TRAPPC9: variants seen among roughly 807,000 people sequenced by gnomAD.
The protein encoded by TRAPPC9 is trafficking protein particle complex subunit 9, also known as IKK2 binding protein.
A neutral mutation model predicts 124.0 loss-of-function variants in TRAPPC9; 83 were observed. That is an observed-to-expected ratio of 0.67 (90% CI 0.56 to 0.80). The LOEUF (loss-of-function observed/expected upper bound fraction) is 0.80, where lower values mean the gene tolerates loss of function less well. Among genes scored for constraint, TRAPPC9 ranks in the 30% least tolerant of loss-of-function variants. TRAPPC9 has a pLI of 0.00. For synonymous variants in TRAPPC9, 638 were observed against 617.5 expected (o/e 1.03, Z -0.49); for missense variants, 1,302 against 1,508.3 (o/e 0.86, Z 2.27).
intron 17 of TRAPPC9, among the ~76,000 whole-genome samples, chr8:140,204,401 C>A (rs903009921): frequency 6.9e-6 from 1 of 144,700 alleles, no homozygotes; most frequent in Non-Finnish European, 1.5e-5. Context: ...CATGTTCTCA[C>A]TCATAGGTGG....
chr8:140,166,704 A>G (rs1048620177), intron 17 of TRAPPC9, among the ~76,000 whole-genome samples: 13 of 152,238 alleles, frequency 8.5e-5, no homozygotes, highest in Admixed American at 2.0e-4. Flanking sequence ...GAAAGCAAGC[A>G]GGCAGCTCTG....
chr8:139,853,227 A>G (rs1270039727), intron 21 of TRAPPC9, among the ~76,000 whole-genome samples: 3 of 152,186 alleles, frequency 2.0e-5, no homozygotes, highest in Non-Finnish European at 4.4e-5. Context: ...CGGTGGCAGG[A>G]GCAATGTGCA....
intron 17 of TRAPPC9, among the ~76,000 whole-genome samples, chr8:140,047,865 G>A (rs1841716804): frequency 6.6e-6 from 1 of 152,222 alleles, no homozygotes; most frequent in Non-Finnish European, 1.5e-5. Flanking sequence ...TGACCCAGCA[G>A]AGGTCGGGGC....
At chr8:140,346,329 T>C (rs1258449505) in intron 9 of TRAPPC9, among the ~76,000 whole-genome samples, 1 of 152,132 alleles carries the variant, frequency 6.6e-6, no homozygotes, top group Non-Finnish European at 1.5e-5. Context: ...TTACGCACAG[T>C]ACCCAACTTA....
At chr8:140,058,075 A>G (rs768716578) in intron 17 of TRAPPC9, among the ~76,000 whole-genome samples, 2 of 152,236 alleles carry the variant, frequency 1.3e-5, no homozygotes, top group African/African-American at 2.4e-5. Context: ...CTCATGGGGC[A>G]CGTCTACTCT....
In TRAPPC9 at chr8:140,089,972, C is replaced by T. The variant is rs374887229; in HGVS notation, c.2557-65893G>A. Reference sequence around the variant, plus strand: ...GTGCACGCCTGTAGTCCCAGCTGCTCGGGAGGCTGAGGCAGGAAAATCACT... The same window carrying T: ...GTGCACGCCTGTAGTCCCAGCTGCTTGGGAGGCTGAGGCAGGAAAATCACT... On this transcript the variant is annotated intron_variant, in intron 17 of 22. Transcript: ENST00000438773. Among the ~76,000 whole-genome samples the T allele has an allele frequency of 3.1e-3, 465 of 152,148 alleles. 1 individual carries two copies. The highest frequency in any genetic ancestry group is 3.4e-3 in the Non-Finnish European group (232 of 68,004).
rs557565284 is a variant in TRAPPC9, at chr8:139,754,747, C to G, written c.3056-22545G>C. Among the ~76,000 whole-genome samples, 3 of 152,350 alleles carry G rather than the reference C, an allele frequency of 2.0e-5. No homozygotes were observed. The East Asian group carries it at 5.8e-4, about 29-fold the overall frequency. ...AGCCTCTGTTTTCCAGAGACGCCCC[C>G]ACCCCGTGTCACAAGCTGAACAGCA... On this transcript the variant is annotated intron_variant, in intron 21 of 22. Transcript: ENST00000438773.
intron 17 of TRAPPC9, among the ~76,000 whole-genome samples, chr8:140,102,634 A>C (rs1372242660): frequency 6.6e-6 from 1 of 152,184 alleles, no homozygotes; most frequent in Non-Finnish European, 1.5e-5. Flanking sequence ...TTCACTGCTT[A>C]CTTCTGTCTC....
intron 17 of TRAPPC9, among the ~76,000 whole-genome samples, chr8:140,120,980 G>A (rs554512460): frequency 2.0e-5 from 3 of 152,240 alleles, no homozygotes; most frequent in Non-Finnish European, 4.4e-5. Flanking sequence ...CAATCAAGAT[G>A]TGAGGGGCAT....
intron 17 of TRAPPC9, among the ~76,000 whole-genome samples, chr8:140,184,136 G>C (rs1023851780): frequency 9.9e-5 from 15 of 152,100 alleles, no homozygotes; most frequent in Admixed American, 4.6e-4. Context: ...AAGCAGGACA[G>C]CAGTGAACCT....
At chr8:139,929,846 T>C (rs1006050783) in intron 19 of TRAPPC9, among the ~76,000 whole-genome samples, 15 of 152,188 alleles carry the variant, frequency 9.9e-5, no homozygotes, top group Non-Finnish European at 1.5e-4. Flanking sequence ...GATGGGCCTC[T>C]GGGGTCTGCC....
intron 17 of TRAPPC9, among the ~76,000 whole-genome samples, chr8:140,045,266 G>A (rs1841512577): frequency 6.6e-6 from 1 of 152,194 alleles, no homozygotes; most frequent in South Asian, 2.1e-4. Context: ...ACGAAGCGAG[G>A]ATGGTGGCAC....
intron 17 of TRAPPC9, among the ~76,000 whole-genome samples, chr8:140,162,853 ATG>A (rs2061774417): frequency 1.3e-5 from 2 of 152,126 alleles, no homozygotes; most frequent in Admixed American, 6.5e-5. Flanking sequence ...TTAGCCAGGC[ATG>A]GTGGCACACA....
chr8:140,020,076 T>C lies in TRAPPC9; in HGVS notation c.2699+3861A>G, dbSNP rs183937650. ...ATCCTTTTAATGTCTGTGGAATTAGTAGTAATGCCACCTCTTTCATTCTCA... is the reference window on the plus strand; with the variant it reads ...ATCCTTTTAATGTCTGTGGAATTAGCAGTAATGCCACCTCTTTCATTCTCA... On this transcript the variant is annotated intron_variant, in intron 18 of 22. Transcript: ENST00000438773. Among the ~76,000 whole-genome samples, 123 of 152,294 alleles carry C rather than the reference T, an allele frequency of 8.1e-4. 1 individual carries two copies. The highest frequency in any genetic ancestry group is 2.8e-3 in the African/African-American group (115 of 41,542).
chr8:140,114,682 C>T (rs1021168473), intron 17 of TRAPPC9, among the ~76,000 whole-genome samples: 1 of 152,062 alleles, frequency 6.6e-6, no homozygotes, highest in Non-Finnish European at 1.5e-5. Context: ...AGGTGAAGTG[C>T]CTGTGATTAG....
Position 139,784,608 on chromosome 8 carries a change from C to CATATATATATATATATATAT in TRAPPC9, c.3056-52426_3056-52407dup, listed in dbSNP as rs34583867. Among the ~76,000 whole-genome samples the CATATATATATATATATATAT allele has an allele frequency of 9.9e-4, 88 of 88,634 alleles. 1 individual carries two copies. The highest frequency in any genetic ancestry group is 1.4e-3 in the Non-Finnish European group (61 of 43,842). 58.1% of individuals were successfully genotyped at this position (88,634 alleles called of 152,430 possible). ...AATAAATAAATAAATAAAAGACTGA[C>CATATATATATATATATATAT]ATATATATATATATATATATATATA... On this transcript the variant is annotated intron_variant, in intron 21 of 22. Coordinates refer to ENST00000438773, the MANE Select transcript of TRAPPC9 (RefSeq NM_001160372.4).
chr8:140,028,142 T>C (rs146775415), intron 17 of TRAPPC9, among the ~76,000 whole-genome samples: 2 of 152,062 alleles, frequency 1.3e-5, no homozygotes, highest in African/African-American at 4.8e-5. Flanking sequence ...TATAAGGTCT[T>C]ATATATTATA....
At chr8:140,369,107 TTTACA>T in intron 8 of TRAPPC9, among the ~76,000 whole-genome samples, 2 of 152,154 alleles carry the variant, frequency 1.3e-5, no homozygotes, top group Non-Finnish European at 2.9e-5. Context: ...TATCTGGCCC[TTTACA>T]GAGAACATTT....
rs192775068 is a variant in TRAPPC9, at chr8:140,068,746, G to A, written c.2557-44667C>T. Reference sequence around the variant, plus strand: ...ACAAACAGCACTACTCTGGACGCTTGTTCAATCTGCATTCAGAACAGCTCT... The same window carrying A: ...ACAAACAGCACTACTCTGGACGCTTATTCAATCTGCATTCAGAACAGCTCT... On this transcript the variant is annotated intron_variant, in intron 17 of 22. Coordinates refer to ENST00000438773, the MANE Select transcript of TRAPPC9 (RefSeq NM_001160372.4). Among the ~76,000 whole-genome samples, 667 of 152,282 alleles carry A rather than the reference G, an allele frequency of 4.4e-3. 4 individuals carry two copies. The highest frequency in any genetic ancestry group is 6.8e-3 in the Non-Finnish European group (461 of 68,022).
Sources: gnomAD v4.1 joint callset for allele counts (sites outside exome capture counted in the v4.1 genomes callset) on GRCh38, gnomAD v4.1.1 for gene constraint, MANE v1.5 for transcripts, NCBI Gene and HGNC (gene_info 2026-07-23, HGNC 2026-07-21) for gene names.